Variants in DNA2 observed in about 807,000 individuals in gnomAD.
DNA2 encodes the protein DNA replication ATP-dependent helicase/nuclease DNA2.
Under a neutral mutation model 119.1 loss-of-function variants are expected in DNA2, and 101 were observed. That is an observed-to-expected ratio of 0.85 (90% CI 0.72 to 1.00). The LOEUF is 1.00. DNA2 is among the 50% of genes least tolerant of loss of function. The probability of loss-of-function intolerance (pLI) is 0.00; values close to 1 mark genes in which losing one functional copy is unlikely to be tolerated. For missense variants in DNA2, 1,121 were observed against 1,255.5 expected (o/e 0.89, Z 1.62); for synonymous variants, 366 against 424.4 (o/e 0.86, Z 1.69).
At chr10:68,432,112 G>T (rs1046351526) in intron 12 of DNA2, 94 bp downstream of exon 12, 5 of 1,111,726 alleles carry the variant, frequency 4.5e-6, no homozygotes, top group East Asian at 2.4e-5. Flanking sequence ...TCTAAACATT[G>T]TAGTTGCAAG....
intron 20 of DNA2, among the ~76,000 whole-genome samples, chr10:68,415,519 G>A (rs750496858): frequency 6.6e-5 from 10 of 152,038 alleles, no homozygotes; most frequent in South Asian, 4.2e-4. Context: ...CAGGTAGTCC[G>A]CCTGTCTCAG....
At chr10:68,449,519 G>C (rs1478323188) in intron 6 of DNA2, among the ~76,000 whole-genome samples, 2 of 152,138 alleles carry the variant, frequency 1.3e-5, no homozygotes, top group Admixed American at 6.6e-5. Context: ...GCTCACACCT[G>C]TAATTCCAGC....
intron 20 of DNA2, among the ~76,000 whole-genome samples, chr10:68,416,238 G>A (rs971788965): frequency 1.3e-5 from 2 of 152,080 alleles, no homozygotes; most frequent in African/African-American, 4.8e-5. Context: ...GAGGAGGCGA[G>A]TGAATCACTT....
chr10:68,460,489 C>T (rs1172179876), intron 4 of DNA2, among the ~76,000 whole-genome samples: 2 of 151,358 alleles, frequency 1.3e-5, no homozygotes, highest in African/African-American at 4.9e-5. Flanking sequence ...CTCACTGCAA[C>T]GTTTGCCTCC....
Position 68,431,895 on chromosome 10 carries a change from A to G in DNA2, c.1950T>C (p.Pro650=). The part of the protein sequence containing the change: ...SKDYTLIVGM[P]GTGKTTTICT... ...ATATCGTAGTTGTTTTTCCTGTCCC[A>G]GGCATACCCACGATGAGTGTGTAGT... Residue 650 remains proline, a synonymous_variant, in exon 13 of 21, where the codon CCT becomes CCC. Transcript: ENST00000358410. The G allele has an allele frequency of 6.2e-7, 1 of 1,613,682 alleles. No individual in the cohort carries two copies. The highest frequency in any genetic ancestry group is 8.5e-7 in the Non-Finnish European group (1 of 1,179,702).
chr10:68,456,214 T>G (rs749977152), intron 5 of DNA2, among the ~76,000 whole-genome samples: 4 of 151,880 alleles, frequency 2.6e-5, no homozygotes, highest in Non-Finnish European at 5.9e-5. Context: ...AGTGAGACCT[T>G]GTCTCAAAAC....
upstream of DNA2, among the ~76,000 whole-genome samples, chr10:68,472,304 C>T (rs1160315435): frequency 6.6e-6 from 1 of 152,140 alleles, no homozygotes; most frequent in Non-Finnish European, 1.5e-5. Flanking sequence ...TTGTAGTTGC[C>T]CAAAACCAGG....
At chr10:68,458,332 G>T (rs777019438) in intron 5 of DNA2, among the ~76,000 whole-genome samples, 39 of 152,050 alleles carry the variant, frequency 2.6e-4, no homozygotes, top group Non-Finnish European at 4.9e-4. Flanking sequence ...AGGCATTCAA[G>T]ACCAGCCTGG....
chr10:68,470,495 T>A (rs1024149564), intron 1 of DNA2: 13 of 398,492 alleles, frequency 3.3e-5, no homozygotes, highest in African/African-American at 6.3e-5. Context: ...ACACCTGTAG[T>A]CCCAGCTACT....
intron 14 of DNA2, chr10:68,424,464 A>T: frequency 1.8e-6 from 1 of 562,218 alleles, no homozygotes; most frequent in Non-Finnish European, 3.2e-6. Flanking sequence ...TGATCATGCC[A>T]CTGAACTCCA....
At chr10:68,427,584 G>A (rs2051759083) in intron 14 of DNA2, among the ~76,000 whole-genome samples, 2 of 151,250 alleles carry the variant, frequency 1.3e-5, no homozygotes, top group Non-Finnish European at 2.9e-5. Flanking sequence ...AGAAGGTCAG[G>A]GCTGCAGTGA....
rs766945264 is a variant in DNA2 at position 68,465,682 on chromosome 10, C to G, written c.572G>C (p.Arg191Thr). 2.5e-6 allele frequency: 4 copies of G among 1,593,760 alleles called. No homozygotes were observed. The highest frequency in any genetic ancestry group is 1.8e-5 in the Admixed American group (1 of 55,152). ...AACTACTTACATTTCCTTCAAATGT[C>G]TTATTTCTTGAATTGTTTGAAAAGC... The part of the protein sequence containing the change: ...ELAFQTIQEI[R>T]HLKEMYRLNL... Residue 191 changes from arginine (R) to threonine (T), a missense_variant, in exon 4 of 21, where the codon AGA (arginine) becomes ACA (threonine). Arg to Thr is a moderately conservative substitution (Grantham distance 71). Transcript: ENST00000358410.
chr10:68,422,212 T>A lies in DNA2; in HGVS notation c.2697+13A>T, dbSNP rs754786012. 2.5e-5 allele frequency: 25 copies of A among 1,006,176 alleles called. 1 individual carries two copies. In the Admixed American group the frequency reaches 3.9e-4, roughly 16 times the overall value. 62.3% of individuals were successfully genotyped at this position (1,006,176 alleles called of 1,614,324 possible). On this transcript the variant is annotated intron_variant, in intron 17 of 20. Transcript: ENST00000358410. ...CAAAATGAGAAAAACTAAACAGAAA[T>A]TTTTTTTTTTACCTTGTCTGTATTA...
chr10:68,439,221 C>A (rs987972323), intron 9 of DNA2, among the ~76,000 whole-genome samples: 1 of 150,816 alleles, frequency 6.6e-6, no homozygotes. Flanking sequence ...ATGAAGAAAC[C>A]CCATCCCTAC....
chr10:68,432,983 C>CTCCAAAT (rs1175702311), intron 10 of DNA2, among the ~76,000 whole-genome samples: 1 of 152,108 alleles, frequency 6.6e-6, no homozygotes, highest in Non-Finnish European at 1.5e-5. Context: ...CCTCACGTGC[C>CTCCAAAT]TCCAAATTCC....
chr10:68,458,540 GA>G (rs1184610293), intron 5 of DNA2, among the ~76,000 whole-genome samples: 3,696 of 102,656 alleles, frequency 0.036, 140 homozygotes, highest in African/African-American at 0.12. Flanking sequence ...TATCAAAAAA[GA>G]AAAAAAAAAA....
rs777857084 is a variant in DNA2 at position 68,422,857 on chromosome 10, G to T, written c.2242C>A (p.His748Asn). Residue 748 changes from histidine to asparagine, a missense_variant, in exon 15 of 21, where the codon CAT (histidine) becomes AAT (asparagine). His to Asn is a moderately conservative substitution (Grantham distance 68). Coordinates refer to ENST00000358410, the MANE Select transcript of DNA2 (RefSeq NM_001080449.3). Reference sequence around the variant, plus strand: ...AAAATTTTACGGGAAAATATTGGATGGTTTATTCCCATACATGTTGTTGCA... The same window carrying T: ...AAAATTTTACGGGAAAATATTGGATTGTTTATTCCCATACATGTTGTTGCA... Reference protein sequence around the residue: ...IVATTCMGINHPIFSRKIFDF... With the variant: ...IVATTCMGINNPIFSRKIFDF... The T allele has an allele frequency of 3.8e-6, 6 of 1,599,522 alleles. No individual in the cohort carries two copies. The highest frequency in any genetic ancestry group is 4.3e-6 in the Non-Finnish European group (5 of 1,176,016).
At chr10:68,441,357 A>G (rs1220770710) in intron 9 of DNA2, among the ~76,000 whole-genome samples, 1 of 148,206 alleles carries the variant, frequency 6.7e-6, no homozygotes, top group African/African-American at 2.5e-5. Flanking sequence ...AAAAAAAAAG[A>G]AAAATTCTAA....
chr10:68,457,000 G>A (rs1425598404), intron 5 of DNA2, among the ~76,000 whole-genome samples: 1 of 151,884 alleles, frequency 6.6e-6, no homozygotes, highest in Admixed American at 6.6e-5. Context: ...CAGGCATGGT[G>A]GCAGGCACCT....
Sources: allele counts gnomAD v4.1 joint callset (sites outside exome capture counted in the v4.1 genomes callset), GRCh38; gene constraint gnomAD v4.1.1; transcripts MANE v1.5; gene names NCBI Gene and HGNC (gene_info 2026-07-23, HGNC 2026-07-21).